TMEM165: variants seen among roughly 807,000 people sequenced by gnomAD.
TMEM165 encodes transmembrane protein 165.
A neutral mutation model predicts 30.0 loss-of-function variants in TMEM165; 19 were observed. The ratio of observed to expected loss-of-function variants is 0.63; its 90% CI spans 0.44 to 0.93. The LOEUF (loss-of-function observed/expected upper bound fraction) is 0.93, where lower values mean the gene tolerates loss of function less well. TMEM165 is among the 40% of genes least tolerant of loss of function. The pLI is 0.00. For synonymous variants in TMEM165, 168 were observed against 162.9 expected (o/e 1.03, Z -0.24); for missense variants, 340 against 417.0 (o/e 0.82, Z 1.61).
chr4:55,434,579 A>G (rs1722737836), intron 3 of TMEM165: 1 of 139,522 alleles, frequency 7.2e-6, no homozygotes, highest in African/African-American at 2.5e-5. Context: ...CTGTTGTATC[A>G]ATAATTTAAC....
intron 3 of TMEM165, among the ~76,000 whole-genome samples, chr4:55,443,390 G>A (rs956228990): frequency 8.0e-5 from 12 of 150,124 alleles, no homozygotes; most frequent in African/African-American, 2.7e-4. Context: ...CAGGAGAATC[G>A]CTTCAACCCA....
chr4:55,436,778 A>G (rs1722908402), intron 3 of TMEM165, among the ~76,000 whole-genome samples: 1 of 152,070 alleles, frequency 6.6e-6, no homozygotes, highest in Non-Finnish European at 1.5e-5. Flanking sequence ...TTTTAAAACT[A>G]GGTATTACAT....
At chr4:55,448,042 G>A (rs1475284409) in intron 3 of TMEM165, among the ~76,000 whole-genome samples, 1 of 152,066 alleles carries the variant, frequency 6.6e-6, no homozygotes, top group African/African-American at 2.4e-5. Flanking sequence ...TCTGGACTTA[G>A]GCCAAGAAAC....
At chr4:55,428,061 G>GA (rs1440270356), downstream of TMEM165, 1 of 152,116 alleles carries the variant, frequency 6.6e-6, no homozygotes, top group African/African-American at 2.4e-5. Context: ...AAAATTGAAG[G>GA]AAACAAAGTC....
chr4:55,412,599 T>C (rs574897189), intron 2 of TMEM165: 17 of 152,220 alleles, frequency 1.1e-4, no homozygotes, highest in African/African-American at 3.9e-4. Context: ...AATTTTACTC[T>C]AATGATTATA....
At chr4:55,405,038 GT>G (rs1239435215) in intron 1 of TMEM165, among the ~76,000 whole-genome samples, 3 of 151,930 alleles carry the variant, frequency 2.0e-5, no homozygotes, top group East Asian at 3.9e-4. Context: ...ATCTAAGATA[GT>G]TTTTTTTCCT....
chr4:55,438,140 C>T, intron 3 of TMEM165: 5 of 1,143,600 alleles, frequency 4.4e-6, no homozygotes, highest in Non-Finnish European at 6.2e-6. Flanking sequence ...CCAGAACAAG[C>T]TTTCTATCTT....
intron 4 of TMEM165, among the ~76,000 whole-genome samples, chr4:55,422,119 G>A (rs1457963548): frequency 6.6e-6 from 1 of 152,172 alleles, no homozygotes; most frequent in East Asian, 1.9e-4. Context: ...GCCTCCGTTG[G>A]TCCTTACAGG....
chr4:55,412,393 C>CAAAAAAAA lies in TMEM165; in HGVS notation c.433+571_433+578dup, dbSNP rs371124857. Among the ~76,000 whole-genome samples, 18 of 54,364 alleles carry CAAAAAAAA rather than the reference C, an allele frequency of 3.3e-4. 1 individual carries two copies. Among genetic ancestry groups the CAAAAAAAA allele is most frequent in the East Asian group, 1.3e-3 (2 of 1,588 alleles). The allele number at this position is 54,364 out of a possible 152,430, so 35.7% of individuals were successfully genotyped here. On this transcript the variant is annotated intron_variant, in intron 2 of 5. Coordinates refer to ENST00000381334, the MANE Select transcript of TMEM165 (RefSeq NM_018475.5). ...TGGGTGATAGAGTGAGACTCCATCT[C>CAAAAAAAA]AAAAAAAAAAAAAAAAAAAAAAAAG...
chr4:55,452,461 C>T (rs1388778739), exon 4 of TMEM165: 2 of 152,650 alleles, frequency 1.3e-5, no homozygotes, highest in Non-Finnish European at 2.9e-5. Context: ...TGATTACAGC[C>T]TCATGAAAGA....
intron 1 of TMEM165, among the ~76,000 whole-genome samples, chr4:55,408,052 A>G (rs1284362032): frequency 6.6e-6 from 1 of 152,210 alleles, no homozygotes; most frequent in Non-Finnish European, 1.5e-5. Context: ...GTGAAGGTGA[A>G]TTAGACAAAG....
chr4:55,424,473 G>A, intron 4 of TMEM165, 65 bp from the exon 5 acceptor site: 2 of 956,270 alleles, frequency 2.1e-6, no homozygotes, highest in South Asian at 2.7e-5. Context: ...CTTCTGAATT[G>A]TTATGGTTCT....
chr4:55,417,841 T>G lies in TMEM165; in HGVS notation c.648T>G (p.Val216=). 6.2e-7 allele frequency: 1 copy of G among 1,612,554 alleles called. No individual in the cohort carries two copies. The highest frequency in any genetic ancestry group is 1.7e-4 in the Middle Eastern group (1 of 6,050). Residue 216 remains valine, a synonymous_variant, in exon 4 of 6, where the codon GTT becomes GTG. Transcript: ENST00000381334. ...RTKLLNGPGD[V]ETGTSITVPQ... ...AACTTTTAAATGGACCGGGAGATGT[T>G]GAAACGGGTACAAGCATAACAGTAC...
rs147771033 is a variant in TMEM165 at position 55,402,534 on chromosome 4, G to C, written c.207+6138G>C. Among the ~76,000 whole-genome samples the C allele has an allele frequency of 3.8e-3, 499 of 129,688 alleles. 34 individuals are homozygous for C. The highest frequency in any genetic ancestry group is 0.015 in the African/African-American group (473 of 30,944). The allele number at this position is 129,688 out of a possible 152,430, so 85.1% of individuals were successfully genotyped here. ...GAGATCTTGGTTCACTTCAACCTCT[G>C]TCTCCGGGGTTCATGCAATTCTCAT... is the stretch of plus-strand genomic sequence containing the variant. On this transcript the variant is annotated intron_variant, in intron 1 of 5. Coordinates refer to ENST00000381334, the MANE Select transcript of TMEM165 (RefSeq NM_018475.5).
At chr4:55,451,400 T>C (rs1425326572) in intron 3 of TMEM165, among the ~76,000 whole-genome samples, 1 of 152,194 alleles carries the variant, frequency 6.6e-6, no homozygotes, top group Non-Finnish European at 1.5e-5. Context: ...ATTACCCCCC[T>C]GTTGTTGATT....
chr4:55,435,812 T>A lies in TMEM165; in HGVS notation c.408+11169T>A, dbSNP rs139603122. On this transcript the variant is annotated intron_variant, in intron 3 of 3. Coordinates refer to the TMEM165 transcript ENST00000608091. ...GAGAGAGTTTCATTTTTTAAAGGAA[T>A]CTGAGCTACAGATTTTATGGTATAG... is the stretch of plus-strand genomic sequence containing the variant. Among the ~76,000 whole-genome samples, 407 of 152,346 alleles carry A rather than the reference T, an allele frequency of 2.7e-3. 4 individuals carry two copies. The highest frequency in any genetic ancestry group is 9.3e-3 in the African/African-American group (386 of 41,572).
At chr4:55,402,922 G>T (rs1721091623) in intron 1 of TMEM165, among the ~76,000 whole-genome samples, 1 of 149,568 alleles carries the variant, frequency 6.7e-6, no homozygotes, top group Admixed American at 6.8e-5. Flanking sequence ...CTCCCAAGTA[G>T]CTGGGACTAC....
chr4:55,428,399 A>G (rs1016190196), downstream of TMEM165: 2 of 152,238 alleles, frequency 1.3e-5, no homozygotes, highest in South Asian at 2.1e-4. Flanking sequence ...CCAAACATAC[A>G]TAGGTCATGA....
At chr4:55,431,763 A>G (rs1300228939) in intron 3 of TMEM165, 1 of 152,256 alleles carries the variant, frequency 6.6e-6, no homozygotes, top group Non-Finnish European at 1.5e-5. Context: ...CCACTTTTAA[A>G]AAGTTTGCCT....
Sources: allele counts gnomAD v4.1 joint callset (sites outside exome capture counted in the v4.1 genomes callset), GRCh38; gene constraint gnomAD v4.1.1; transcripts MANE v1.5; gene names NCBI Gene and HGNC (gene_info 2026-07-23, HGNC 2026-07-21).